SOAT2: variants seen among roughly 807,000 people sequenced by gnomAD.
The protein encoded by SOAT2 is ACAT-2.
A neutral mutation model predicts 76.0 loss-of-function variants in SOAT2; 87 were observed. That is an observed-to-expected ratio of 1.14 (90% CI 0.96 to 1.37). The LOEUF is 1.37. Ranked by LOEUF, SOAT2 falls within the 40% of genes most tolerant of loss-of-function variation. SOAT2 has a pLI of 0.00. For missense variants in SOAT2, 686 were observed against 682.1 expected (o/e 1.01, Z -0.06); for synonymous variants, 285 against 275.4 (o/e 1.03, Z -0.34).
chr12:53,105,451 C>G (rs1384277633), intron 3 of SOAT2, 110 bp from the exon 4 acceptor site: 2 of 1,275,878 alleles, frequency 1.6e-6, no homozygotes, highest in East Asian at 5.0e-5. Context: ...CTGGCCCTAG[C>G]CCTGACCTTT....
intron 12 of SOAT2, among the ~76,000 whole-genome samples, chr12:53,122,425 G>A (rs1311075753): frequency 7.3e-6 from 1 of 137,592 alleles, no homozygotes; most frequent in Non-Finnish European, 1.5e-5. Flanking sequence ...TGGAGGGAAG[G>A]TCAGCAGATA....
chr12:53,123,294 A>C lies in SOAT2; in HGVS notation c.1372+78A>C, dbSNP rs911137711. The C allele has an allele frequency of 2.5e-6, 4 of 1,572,124 alleles. No individual in the cohort carries two copies. The Admixed American group carries it at 5.1e-5, about 20-fold the overall frequency. ...TCCTGCTCCTGCAGATCCCAGACTG[A>C]TGGTGGGAGGCCTCGCCCCCAGGCC... On this transcript the variant is annotated intron_variant, in intron 13 of 14. Coordinates refer to ENST00000301466, the MANE Select transcript of SOAT2 (RefSeq NM_003578.4).
At chr12:53,107,136 C>T (rs1336245289) in intron 5 of SOAT2, among the ~76,000 whole-genome samples, 3 of 152,142 alleles carry the variant, frequency 2.0e-5, no homozygotes, top group Admixed American at 6.5e-5. Context: ...ACAGTCCCCA[C>T]TGTCAATTTA....
chr12:53,116,294 G>A (rs1451598989), intron 7 of SOAT2, 128 bp downstream of exon 7: 2 of 757,116 alleles, frequency 2.6e-6, no homozygotes, highest in East Asian at 2.7e-5. Flanking sequence ...GCACAGCCCT[G>A]GCATCCAGCT....
chr12:53,107,675 T>A (rs1012946844), intron 5 of SOAT2, among the ~76,000 whole-genome samples: 3 of 147,370 alleles, frequency 2.0e-5, no homozygotes. Context: ...CAGGCTGGAG[T>A]GCAGTGGCGT....
intron 2 of SOAT2, among the ~76,000 whole-genome samples, chr12:53,104,620 G>A (rs927308573): frequency 1.3e-5 from 2 of 152,120 alleles, no homozygotes; most frequent in Admixed American, 1.3e-4. Flanking sequence ...ATTAAGGATG[G>A]AGATGGAGGG....
Position 53,116,181 on chromosome 12 carries a change from T to G in SOAT2, c.778+15T>G. 1 of 1,611,408 alleles carries G rather than the reference T, an allele frequency of 6.2e-7. No homozygotes were observed. Among genetic ancestry groups the G allele is most frequent in the Non-Finnish European group, 8.5e-7 (1 of 1,177,544 alleles). The stretch of plus-strand genomic sequence containing the variant: ...TGCCAGACGAGGTGAGGCCTTCATC[T>G]TGCCCGGTTGTGAACTCAGTCCTCT... On this transcript the variant is annotated intron_variant, in intron 7 of 14. Transcript: ENST00000301466.
rs1466573419 is a variant in SOAT2 at position 53,118,938 on chromosome 12, G to A, written c.909+3G>A. The A allele has an allele frequency of 1.2e-6, 2 of 1,614,178 alleles. No individual in the cohort carries two copies. Among genetic ancestry groups the A allele is most frequent in the Non-Finnish European group, 1.7e-6 (2 of 1,180,022 alleles). ...ATGTGGCCAAGAACTTTGCCCAGGT[G>A]AGAAGATAGGGTAGAAGGGTGGACC... On this transcript the variant is annotated splice_donor_region_variant and intron_variant, in intron 9 of 14. Transcript: ENST00000301466.
intron 7 of SOAT2, among the ~76,000 whole-genome samples, chr12:53,118,093 C>A (rs1021935159): frequency 6.6e-6 from 1 of 152,090 alleles, no homozygotes; most frequent in Non-Finnish European, 1.5e-5. Context: ...GAAGCTCTGG[C>A]CACAGCAGGC....
In SOAT2 at chr12:53,115,650, A is replaced by G. The variant is rs1314294653; in HGVS notation, c.704A>G (p.Glu235Gly). Residue 235 changes from glutamate to glycine, a missense_variant, in exon 6 of 15, where the codon GAG (glutamate) becomes GGG (glycine). Physicochemically the swap from Glu to Gly is moderately conservative, Grantham distance 98. Coordinates refer to ENST00000301466, the MANE Select transcript of SOAT2 (RefSeq NM_003578.4). ...PPASRCVLVF[E>G]QVRFLMKSYS... ...GCCTCCCGTTGTGTCCTGGTCTTCG[A>G]GCAGGTGAGGGCCGAGCCCTGCTGA... The G allele has an allele frequency of 2.0e-6, 3 of 1,533,172 alleles. No homozygotes were observed. The allele number at this position is 1,533,172 out of a possible 1,614,324, so 95.0% of individuals were successfully genotyped here.
At position 53,116,088 on chromosome 12, in the gene SOAT2, C is replaced by T. The variant is rs1938102986; in HGVS notation, c.709-9C>T. ...CAGCAACTTTTCCTCCCCTTCCATT[C>T]TGCCACAGGTTAGGTTCCTGATGAA... On this transcript the variant is annotated splice_polypyrimidine_tract_variant and intron_variant, in intron 6 of 14. Coordinates refer to ENST00000301466, the MANE Select transcript of SOAT2 (RefSeq NM_003578.4). 1 of 1,613,610 alleles carries T rather than the reference C, an allele frequency of 6.2e-7. No homozygotes were observed. Among genetic ancestry groups the T allele is most frequent in the African/African-American group, 1.3e-5 (1 of 74,894 alleles).
In SOAT2 at chr12:53,105,550, T is replaced by C. The variant is rs1298761345; in HGVS notation, c.276-11T>C. On this transcript the variant is annotated splice_polypyrimidine_tract_variant and intron_variant, in intron 3 of 14. Coordinates refer to ENST00000301466, the MANE Select transcript of SOAT2 (RefSeq NM_003578.4). ...ACTTTTTCCTGACCCTGAACAAACA[T>C]CTCAATTCAGGACCCAGGAGCCATC... 1.9e-6 allele frequency: 3 copies of C among 1,609,868 alleles called. No individual in the cohort carries two copies. The highest frequency in any genetic ancestry group is 2.5e-6 in the Non-Finnish European group (3 of 1,177,526).
chr12:53,114,315 T>TA (rs1349320158), intron 5 of SOAT2, among the ~76,000 whole-genome samples: 1 of 152,000 alleles, frequency 6.6e-6, no homozygotes, highest in Non-Finnish European at 1.5e-5. Flanking sequence ...AAAAATAAAT[T>TA]AAAAAAACTA....
rs1303838303 is a variant in SOAT2, at chr12:53,107,622, C to CTTTTT, written c.443+1622_443+1626dup. Reference sequence around the variant, plus strand: ...AGACTAGAATTTAACAACAGATGTACTTTTTTTTTTTTTTTTTTGAGACAG... The same window carrying CTTTTT: ...AGACTAGAATTTAACAACAGATGTACTTTTTTTTTTTTTTTTTTTTTTTGAGACAG... On this transcript the variant is annotated intron_variant, in intron 5 of 14. Transcript: ENST00000301466. 1.3e-4 allele frequency among the ~76,000 whole-genome samples: 15 copies of CTTTTT among 117,028 alleles called. 1 individual carries two copies. The highest frequency in any genetic ancestry group is 3.7e-4 in the African/African-American group (10 of 27,212). The allele number at this position is 117,028 out of a possible 152,430, so 76.8% of individuals were successfully genotyped here.
intron 13 of SOAT2, 98 bp downstream of exon 13, chr12:53,123,314 C>G: frequency 6.7e-7 from 1 of 1,487,264 alleles, no homozygotes; most frequent in Non-Finnish European, 9.3e-7. Flanking sequence ...GCCTCGCCCC[C>G]AGGCCTGGAG....
chr12:53,124,021 G>A, intron 14 of SOAT2, 52 bp from the exon 15 acceptor site: 1 of 1,611,126 alleles, frequency 6.2e-7, no homozygotes, highest in Non-Finnish European at 8.5e-7. Flanking sequence ...TGGATGCATG[G>A]GTTGAGTCAC....
At chr12:53,111,434 A>G (rs1938011433) in intron 5 of SOAT2, among the ~76,000 whole-genome samples, 1 of 152,194 alleles carries the variant, frequency 6.6e-6, no homozygotes, top group Non-Finnish European at 1.5e-5. Context: ...ACAGAGAATG[A>G]TAACAGTCCT....
At chr12:53,119,699 C>T (rs540103597) in intron 10 of SOAT2, among the ~76,000 whole-genome samples, 1 of 139,562 alleles carries the variant, frequency 7.2e-6, no homozygotes, top group Non-Finnish European at 1.5e-5. Context: ...ACTGGCCCCT[C>T]AGCTTGAAAT....
intron 5 of SOAT2, among the ~76,000 whole-genome samples, chr12:53,111,113 T>A (rs937803333): frequency 9.9e-6 from 1 of 100,946 alleles, no homozygotes; most frequent in Admixed American, 8.3e-5. Flanking sequence ...TTTGCCTACA[T>A]TTTTTTTTTT....
Sources: gnomAD v4.1 joint callset for allele counts (sites outside exome capture counted in the v4.1 genomes callset) on GRCh38, gnomAD v4.1.1 for gene constraint, MANE v1.5 for transcripts, NCBI Gene and HGNC (gene_info 2026-07-23, HGNC 2026-07-21) for gene names.